ITGA8: variants seen among roughly 807,000 people sequenced by gnomAD.
ITGA8 encodes the protein integrin alpha-8.
ITGA8 carries 91 observed loss-of-function variants against 142.3 expected under a neutral mutation model. That is an observed-to-expected ratio of 0.64 (90% CI 0.54 to 0.76). ITGA8 has a LOEUF of 0.76. Among genes scored for constraint, ITGA8 ranks in the 30% least tolerant of loss-of-function variants. ITGA8 has a pLI of 0.00. For missense variants in ITGA8, 1,406 were observed against 1,327.7 expected, an observed-to-expected ratio of 1.06 and a Z score of -0.92; for synonymous variants, 505 against 485.2, an observed-to-expected ratio of 1.04 and a Z score of -0.54.
chr10:15,627,536 A>C, intron 13 of ITGA8, among the ~76,000 whole-genome samples: 1 of 152,328 alleles, frequency 6.6e-6, no homozygotes, highest in Middle Eastern at 3.4e-3. Flanking sequence ...ATATAGAAAG[A>C]AGAGCATCAC....
At chr10:15,543,423 A>G (rs1833610063) in intron 27 of ITGA8, among the ~76,000 whole-genome samples, 1 of 152,136 alleles carries the variant, frequency 6.6e-6, no homozygotes, top group African/African-American at 2.4e-5. Context: ...ATTTACCCAA[A>G]CTGCAAGAGC....
chr10:15,676,526 C>A lies in ITGA8; in HGVS notation c.676+1066G>T, dbSNP rs115374507. Among the ~76,000 whole-genome samples, 1,218 of 152,150 alleles carry A rather than the reference C, an allele frequency of 8.0e-3. 13 individuals are homozygous for A. Among genetic ancestry groups the A allele is most frequent in the Middle Eastern group, 0.037 (11 of 294 alleles). ...TATCACAGTTGGGGTTTCTTGGGTA[C>A]CCCTGTGACAGTTCGATTAATGCCT... On this transcript the variant is annotated intron_variant, in intron 6 of 29. Coordinates refer to ENST00000378076, the MANE Select transcript of ITGA8 (RefSeq NM_003638.3).
At chr10:15,554,329 G>A (rs1833846035) in intron 26 of ITGA8, among the ~76,000 whole-genome samples, 1 of 152,128 alleles carries the variant, frequency 6.6e-6, no homozygotes, top group Admixed American at 6.5e-5. Flanking sequence ...CTGCAGGAGA[G>A]GCAGAGCCTA....
intron 25 of ITGA8, among the ~76,000 whole-genome samples, chr10:15,568,682 G>GC (rs1834121679): frequency 6.6e-6 from 1 of 152,162 alleles, no homozygotes; most frequent in African/African-American, 2.4e-5. Context: ...GTTTTAAATG[G>GC]TGTTTCAGTT....
Position 15,565,573 on chromosome 10 carries a change from ATTTTTTTTTTTTTTTTTT to A in ITGA8, c.2637+6620_2637+6637del, listed in dbSNP as rs71374633. On this transcript the variant is annotated intron_variant, in intron 25 of 29. Transcript: ENST00000378076. ...ATAATCTTCTTCCTTTCATGTCCTG[ATTTTTTTTTTTTTTTTTT>A]TTTTTTTTTTTTTTTTGAGACAGAG... 2.9e-4 allele frequency among the ~76,000 whole-genome samples: 10 copies of A among 34,788 alleles called. No homozygotes were observed. In the East Asian group the frequency reaches 0.012, roughly 43 times the overall value. 22.8% of individuals were successfully genotyped at this position (34,788 alleles called of 152,430 possible).
At chr10:15,665,338 C>A (rs1461170659) in intron 8 of ITGA8, among the ~76,000 whole-genome samples, 1 of 152,108 alleles carries the variant, frequency 6.6e-6, no homozygotes, top group Non-Finnish European at 1.5e-5. Context: ...CTGTTCATAT[C>A]CTTCGCCCAC....
intron 19 of ITGA8, among the ~76,000 whole-genome samples, chr10:15,604,808 G>A (rs944402305): frequency 1.3e-5 from 2 of 152,116 alleles, no homozygotes; most frequent in Non-Finnish European, 2.9e-5. Flanking sequence ...AAGAGAGGTG[G>A]TTTAGAAAGT....
chr10:15,525,367 G>C (rs1039400134), intron 28 of ITGA8, among the ~76,000 whole-genome samples: 1 of 152,028 alleles, frequency 6.6e-6, no homozygotes, highest in Admixed American at 6.6e-5. Context: ...AAAGGGCCAG[G>C]CACGGTGGCT....
intron 14 of ITGA8, among the ~76,000 whole-genome samples, chr10:15,615,715 TG>T (rs1311958261): frequency 6.6e-6 from 1 of 152,126 alleles, no homozygotes; most frequent in Non-Finnish European, 1.5e-5. Flanking sequence ...GGTTTTGCTA[TG>T]TTGACTAGGC....
chr10:15,663,312 T>A (rs1834325061), intron 8 of ITGA8, among the ~76,000 whole-genome samples: 1 of 152,202 alleles, frequency 6.6e-6, no homozygotes, highest in Non-Finnish European at 1.5e-5. Context: ...TTTAGATATT[T>A]TATTTTAACT....
intron 3 of ITGA8, among the ~76,000 whole-genome samples, chr10:15,685,887 G>T (rs1307270018): frequency 6.6e-6 from 1 of 152,166 alleles, no homozygotes; most frequent in Admixed American, 6.5e-5. Flanking sequence ...TCAAGTAAAT[G>T]AAATAACGAG....
chr10:15,532,444 AAAG>A lies in ITGA8; in HGVS notation c.2881-1296_2881-1294del, dbSNP rs1476845716. Among the ~76,000 whole-genome samples, 106 of 149,262 alleles carry A rather than the reference AAAG, an allele frequency of 7.1e-4. 1 individual carries two copies. The highest frequency in any genetic ancestry group is 2.4e-3 in the African/African-American group (98 of 40,286). On this transcript the variant is annotated intron_variant, in intron 27 of 29. Coordinates refer to ENST00000378076, the MANE Select transcript of ITGA8 (RefSeq NM_003638.3). Reference sequence around the variant, plus strand: ...AAAAAAAAAAAAAAAAAAAAAAAAAAAAGCCTCTAGTTACAGCCAGTTGTCCCC... The same window carrying A: ...AAAAAAAAAAAAAAAAAAAAAAAAAACCTCTAGTTACAGCCAGTTGTCCCC...
intron 13 of ITGA8, among the ~76,000 whole-genome samples, chr10:15,625,969 C>A (rs1833574620): frequency 6.6e-6 from 1 of 152,140 alleles, no homozygotes; most frequent in African/African-American, 2.4e-5. Flanking sequence ...GAAAAGGCTA[C>A]CTGGGACTAG....
At chr10:15,522,114 C>A (rs375100670) in intron 28 of ITGA8, among the ~76,000 whole-genome samples, 1 of 152,276 alleles carries the variant, frequency 6.6e-6, no homozygotes, top group East Asian at 1.9e-4. Flanking sequence ...CAACACAAAG[C>A]AACGATAAAT....
chr10:15,675,491 C>G (rs1041218681), intron 6 of ITGA8, among the ~76,000 whole-genome samples: 1 of 152,190 alleles, frequency 6.6e-6, no homozygotes, highest in South Asian at 2.1e-4. Flanking sequence ...GTACCACCAT[C>G]GCTCTAAGAA....
chr10:15,634,841 C>T (rs1833743336), intron 13 of ITGA8, among the ~76,000 whole-genome samples: 2 of 151,934 alleles, frequency 1.3e-5, no homozygotes, highest in Middle Eastern at 3.2e-3. Context: ...ATTAATAGCT[C>T]ATTGTACTAT....
At position 15,655,303 on chromosome 10, in the gene ITGA8, C is replaced by T. The variant is rs753045404; in HGVS notation, c.1001+51G>A. 33 of 1,182,396 alleles carry T rather than the reference C, an allele frequency of 2.8e-5. No individual in the cohort carries two copies. In the East Asian group the frequency reaches 5.2e-4, roughly 19 times the overall value. The allele number at this position is 1,182,396 out of a possible 1,614,324, so 73.2% of individuals were successfully genotyped here. Reference sequence around the variant, plus strand: ...ATTTTGTGAAGGAAAAACATAACATCTTTATGGATGAATGTAATATATTGT... The same window carrying T: ...ATTTTGTGAAGGAAAAACATAACATTTTTATGGATGAATGTAATATATTGT... On this transcript the variant is annotated intron_variant, in intron 11 of 29. Coordinates refer to ENST00000378076, the MANE Select transcript of ITGA8 (RefSeq NM_003638.3).
At chr10:15,552,517 C>T (rs1335292025) in intron 26 of ITGA8, among the ~76,000 whole-genome samples, 1 of 152,174 alleles carries the variant, frequency 6.6e-6, no homozygotes, top group Non-Finnish European at 1.5e-5. Flanking sequence ...ATTGGTACTG[C>T]ATATTAGAAT....
At chr10:15,567,289 C>A (rs1465924855) in intron 25 of ITGA8, among the ~76,000 whole-genome samples, 2 of 152,094 alleles carry the variant, frequency 1.3e-5, no homozygotes, top group African/African-American at 2.4e-5. Flanking sequence ...ACTCTCCAAA[C>A]CCTAGGATAA....
Sources: gnomAD v4.1 joint callset for allele counts (sites outside exome capture counted in the v4.1 genomes callset) on GRCh38, gnomAD v4.1.1 for gene constraint, MANE v1.5 for transcripts, NCBI Gene and HGNC (gene_info 2026-07-23, HGNC 2026-07-21) for gene names.